LNX2: variants seen among roughly 807,000 people sequenced by gnomAD.
LNX2 encodes the protein ligand of numb-protein X 2.
Under a neutral mutation model 66.2 loss-of-function variants are expected in LNX2, and 35 were observed. The ratio of observed to expected loss-of-function variants is 0.53; its 90% CI spans 0.40 to 0.70. The LOEUF is 0.70. Among genes scored for constraint, LNX2 ranks in the 30% least tolerant of loss-of-function variants. The pLI is 0.00. For synonymous variants in LNX2, 337 were observed against 315.6 expected (o/e 1.07, Z -0.72); for missense variants, 791 against 850.8 (o/e 0.93, Z 0.87).
In LNX2 at chr13:27,548,385, T is replaced by C; in HGVS notation, c.2023A>G (p.Arg675Gly). 5 of 1,614,190 alleles carry C rather than the reference T, an allele frequency of 3.1e-6. No individual in the cohort carries two copies. Among genetic ancestry groups the C allele is most frequent in the Non-Finnish European group, 4.2e-6 (5 of 1,179,992 alleles). ...ATAACGGTCAGAGTGACTTTGTTCC[T>C]CTGCTCCTTCAACATGGGAACTAGT... The part of the protein sequence containing the change: ...SALVPMLKEQ[R>G]NKVTLTVICW... Residue 675 changes from arginine (R) to glycine (G), a missense_variant, in exon 10 of 10, where the codon AGG becomes GGG. Physicochemically the swap from Arg to Gly is moderately radical, Grantham distance 125. Transcript: ENST00000316334.
chr13:27,554,508 G>C (rs1203862395), intron 7 of LNX2, among the ~76,000 whole-genome samples: 2 of 152,058 alleles, frequency 1.3e-5, no homozygotes, highest in Non-Finnish European at 2.9e-5. Context: ...TTTATATCTA[G>C]CTTCTTTTAC....
At chr13:27,554,779 C>A (rs1955039396) in intron 7 of LNX2, among the ~76,000 whole-genome samples, 1 of 152,220 alleles carries the variant, frequency 6.6e-6, no homozygotes, top group African/African-American at 2.4e-5. Context: ...TATGAGGAAT[C>A]AGTTTAACTC....
At position 27,548,271 on chromosome 13, in the gene LNX2, C is replaced by T. The variant is rs55768029; in HGVS notation, c.*64G>A. 2.0e-6 allele frequency: 3 copies of T among 1,537,554 alleles called. No homozygotes were observed. Among genetic ancestry groups the T allele is most frequent in the Non-Finnish European group, 1.8e-6 (2 of 1,125,236 alleles). ...TCCTAAACCACAAACACAATGAAAC[C>T]AAAGGGTTTTCTTTCAAAAATCTAA... On this transcript the variant is annotated 3_prime_UTR_variant, in exon 10 of 10. Coordinates refer to ENST00000316334, the MANE Select transcript of LNX2 (RefSeq NM_153371.4).
Position 27,590,481 on chromosome 13 carries a change from G to A in LNX2, c.-100-8678C>T, listed in dbSNP as rs566916401. On this transcript the variant is annotated intron_variant, in intron 1 of 9. Coordinates refer to ENST00000316334, the MANE Select transcript of LNX2 (RefSeq NM_153371.4). The stretch of plus-strand genomic sequence containing the variant: ...TGATCTGCCCGCCTCGGCCTCCCAC[G>A]GCCTCCGAAAGTGCTGGGGTTACAG... Among the ~76,000 whole-genome samples, 16 of 151,732 alleles carry A rather than the reference G, an allele frequency of 1.1e-4. No individual in the cohort carries two copies. The South Asian group carries it at 2.9e-3, about 28-fold the overall frequency.
intron 1 of LNX2, among the ~76,000 whole-genome samples, chr13:27,599,525 C>A (rs9512760): frequency 0.69 from 105,053 of 152,106 alleles, 37,992 homozygotes; most frequent in African/African-American, 0.92. Flanking sequence ...TTACGATTCC[C>A]GTAAAAGAAA....
In LNX2 at chr13:27,548,164, T is replaced by G; in HGVS notation, c.*171A>C. On this transcript the variant is annotated 3_prime_UTR_variant, in exon 10 of 10. Coordinates refer to ENST00000316334, the MANE Select transcript of LNX2 (RefSeq NM_153371.4). Reference sequence around the variant, plus strand: ...GTTTCCAAGCTAAAAGAAATGTAACTAACTTAGGAAACCATTTAAATAAAC... The same window carrying G: ...GTTTCCAAGCTAAAAGAAATGTAACGAACTTAGGAAACCATTTAAATAAAC... 1 of 577,566 alleles carries G rather than the reference T, an allele frequency of 1.7e-6. No homozygotes were observed. The highest frequency in any genetic ancestry group is 3.0e-6 in the Non-Finnish European group (1 of 331,664). The allele number at this position is 577,566 out of a possible 1,614,324, so 35.8% of individuals were successfully genotyped here.
intron 1 of LNX2, among the ~76,000 whole-genome samples, chr13:27,583,223 T>C (rs1199543437): frequency 0.13 from 2,179 of 17,128 alleles, 148 homozygotes; most frequent in African/African-American, 0.23. Flanking sequence ...TGTGTGTGTG[T>C]GTGTGTGTGT....
At chr13:27,579,137 T>A (rs536912003) in intron 2 of LNX2, among the ~76,000 whole-genome samples, 1 of 152,342 alleles carries the variant, frequency 6.6e-6, no homozygotes, top group Admixed American at 6.5e-5. Context: ...ACATAGCAGA[T>A]AATCAATATT....
chr13:27,605,854 A>T (rs1955708895), intron 1 of LNX2, among the ~76,000 whole-genome samples: 2 of 152,326 alleles, frequency 1.3e-5, no homozygotes, highest in Admixed American at 1.3e-4. Flanking sequence ...GCAATGTAAC[A>T]CTGAAAATAT....
chr13:27,600,194 C>T (rs1210772266), intron 1 of LNX2, among the ~76,000 whole-genome samples: 2 of 152,126 alleles, frequency 1.3e-5, no homozygotes, highest in African/African-American at 2.4e-5. Context: ...GCCAATGACA[C>T]AAAATGATCG....
chr13:27,581,713 A>C lies in LNX2; in HGVS notation c.-10T>G, dbSNP rs374401016. 1 of 1,584,698 alleles carries C rather than the reference A, an allele frequency of 6.3e-7. No homozygotes were observed. Among genetic ancestry groups the C allele is most frequent in the Non-Finnish European group, 8.6e-7 (1 of 1,165,176 alleles). On this transcript the variant is annotated 5_prime_UTR_variant, in exon 2 of 10. Transcript: ENST00000316334. ...CACTTGTTGTTCCCATTTTGAATCA[A>C]TTCTGTATCCTCATGTGTTAGACTT... is the stretch of plus-strand genomic sequence containing the variant.
chr13:27,570,840 G>T (rs1955270334), intron 2 of LNX2, among the ~76,000 whole-genome samples: 2 of 152,228 alleles, frequency 1.3e-5, no homozygotes, highest in Non-Finnish European at 2.9e-5. Flanking sequence ...TGGAACTTAA[G>T]AAGAAATACA....
intron 4 of LNX2, among the ~76,000 whole-genome samples, chr13:27,565,860 T>C (rs551448524): frequency 9.3e-4 from 141 of 152,300 alleles, no homozygotes; most frequent in Non-Finnish European, 1.4e-3. Flanking sequence ...GAATCCCTAG[T>C]AGGGTCAATC....
intron 1 of LNX2, among the ~76,000 whole-genome samples, chr13:27,613,294 G>T (rs1419174267): frequency 6.6e-6 from 1 of 152,082 alleles, no homozygotes; most frequent in Non-Finnish European, 1.5e-5. Context: ...GGGTGAGGTG[G>T]AACAGAAGGA....
rs1386031619 is a variant in LNX2, at chr13:27,562,703, G to C, written c.934C>G (p.Leu312Val). The change falls in exon 5 of 10, where the codon CTT (leucine) becomes GTT (valine). Residue 312 changes from leucine to valine, a missense_variant. Transcript: ENST00000316334. ...VLSQPCNTLH[L>V]TVLRERRFGN... ...AAGCGCCTCTCTCGAAGCACAGTAAGATGCAGTGTGTTGCAGGGCTGGGAA... is the reference window on the plus strand; with the variant it reads ...AAGCGCCTCTCTCGAAGCACAGTAACATGCAGTGTGTTGCAGGGCTGGGAA... The C allele has an allele frequency of 6.2e-7, 1 of 1,614,176 alleles. No individual in the cohort carries two copies. The highest frequency in any genetic ancestry group is 1.7e-5 in the Admixed American group (1 of 60,026).
chr13:27,589,648 G>A (rs1442679992), intron 1 of LNX2, among the ~76,000 whole-genome samples: 1 of 151,934 alleles, frequency 6.6e-6, no homozygotes, highest in African/African-American at 2.4e-5. Context: ...AAGTGATCAA[G>A]GCAAAAACCA....
intron 7 of LNX2, among the ~76,000 whole-genome samples, chr13:27,555,109 T>G (rs1955041985): frequency 6.6e-6 from 1 of 152,098 alleles, no homozygotes; most frequent in African/African-American, 2.4e-5. Context: ...CCACCACAGC[T>G]AGCTAATTTT....
intron 1 of LNX2, among the ~76,000 whole-genome samples, chr13:27,618,215 A>G (rs1200420265): frequency 1.3e-5 from 2 of 152,188 alleles, no homozygotes; most frequent in African/African-American, 2.4e-5. Context: ...CCTCCTAGTC[A>G]TACCTCTTAA....
intron 1 of LNX2, among the ~76,000 whole-genome samples, chr13:27,588,157 T>C (rs918785682): frequency 6.6e-6 from 1 of 151,158 alleles, no homozygotes; most frequent in African/African-American, 2.4e-5. Flanking sequence ...CCAGCAACTA[T>C]ACCTTTAAGC....
Sources: allele counts gnomAD v4.1 joint callset (sites outside exome capture counted in the v4.1 genomes callset), GRCh38; gene constraint gnomAD v4.1.1; transcripts MANE v1.5; gene names NCBI Gene and HGNC (gene_info 2026-07-23, HGNC 2026-07-21).